ZNF804A: variants seen among roughly 807,000 people sequenced by gnomAD.
ZNF804A encodes the protein zinc finger protein 804A.
Under a neutral mutation model 16.5 loss-of-function variants are expected in ZNF804A, and 2 were observed. The ratio of observed to expected loss-of-function variants is 0.12; its 90% confidence interval spans 0.05 to 0.38. The LOEUF (loss-of-function observed/expected upper bound fraction) is 0.38. Ranked by LOEUF, ZNF804A falls within the 10% of genes least tolerant of loss-of-function variation. ZNF804A has a pLI of 0.99. For missense variants in ZNF804A, 1,473 were observed against 1,390.7 expected, an observed-to-expected ratio of 1.06 and a Z score of -0.94; for synonymous variants, 534 against 489.6, an observed-to-expected ratio of 1.09 and a Z score of -1.20.
chr2:184,604,212 C>T (rs1237145532), intron 1 of ZNF804A, among the ~76,000 whole-genome samples: 1 of 106,554 alleles, frequency 9.4e-6, no homozygotes. Context: ...CTCTTTTTGC[C>T]CAGGCTGGAG....
intron 1 of ZNF804A, among the ~76,000 whole-genome samples, chr2:184,675,165 T>C (rs372105293): frequency 1.3e-5 from 2 of 151,992 alleles, no homozygotes; most frequent in East Asian, 3.9e-4. Context: ...TGTGTATACC[T>C]ACCTATGTGT....
intron 1 of ZNF804A, among the ~76,000 whole-genome samples, chr2:184,836,698 T>TATA (rs35365017): frequency 3.2e-5 from 4 of 124,312 alleles, no homozygotes; most frequent in Admixed American, 7.9e-5. Context: ...TATATATATA[T>TATA]TTTTTTTTTA....
intron 1 of ZNF804A, among the ~76,000 whole-genome samples, chr2:184,836,694 TATA>T (rs1695351624): frequency 1.3e-5 from 2 of 148,430 alleles, no homozygotes; most frequent in Non-Finnish European, 1.5e-5. Context: ...TATATATATA[TATA>T]TTTTTTTTTT....
At chr2:184,634,545 G>T (rs746069345) in intron 1 of ZNF804A, among the ~76,000 whole-genome samples, 12 of 152,060 alleles carry the variant, frequency 7.9e-5, no homozygotes, top group Non-Finnish European at 5.9e-5. Flanking sequence ...GAAGCAGAGG[G>T]GTGAGGAGGG....
intron 1 of ZNF804A, among the ~76,000 whole-genome samples, chr2:184,722,767 G>A (rs17430987): frequency 0.038 from 5,741 of 151,890 alleles, 184 homozygotes; most frequent in East Asian, 0.055. Flanking sequence ...AGATGTGATC[G>A]CTAATTTAAC....
At chr2:184,682,179 C>T (rs1318985899) in intron 1 of ZNF804A, among the ~76,000 whole-genome samples, 1 of 152,094 alleles carries the variant, frequency 6.6e-6, no homozygotes, top group Non-Finnish European at 1.5e-5. Context: ...CAGACACATT[C>T]CTGTGTTGAA....
chr2:184,599,937 C>A (rs545716642), intron 1 of ZNF804A, among the ~76,000 whole-genome samples: 1 of 152,128 alleles, frequency 6.6e-6, no homozygotes, highest in Non-Finnish European at 1.5e-5. Flanking sequence ...GTTTGGAGAA[C>A]TATACACCTC....
chr2:184,814,786 C>G (rs924208690), intron 1 of ZNF804A, among the ~76,000 whole-genome samples: 2 of 152,116 alleles, frequency 1.3e-5, no homozygotes, highest in East Asian at 3.9e-4. Flanking sequence ...AATGAGATCT[C>G]CGTCACCTGG....
intron 1 of ZNF804A, among the ~76,000 whole-genome samples, chr2:184,713,359 T>C (rs17430952): frequency 0.052 from 7,867 of 151,996 alleles, 259 homozygotes; most frequent in Non-Finnish European, 0.077. Context: ...ATTTGCCTAA[T>C]ATAGCTAAAT....
intron 1 of ZNF804A, among the ~76,000 whole-genome samples, chr2:184,744,720 T>A (rs1457139297): frequency 6.6e-6 from 1 of 151,938 alleles, no homozygotes; most frequent in African/African-American, 2.4e-5. Flanking sequence ...CTGAAAAGTA[T>A]TAACAACTCA....
intron 1 of ZNF804A, among the ~76,000 whole-genome samples, chr2:184,734,990 T>C (rs1438961641): frequency 2.0e-5 from 3 of 152,222 alleles, no homozygotes; most frequent in Admixed American, 1.3e-4. Flanking sequence ...CTCCTGCTGC[T>C]TGTTAATTAG....
intron 1 of ZNF804A, among the ~76,000 whole-genome samples, chr2:184,673,647 C>A (rs1382891130): frequency 6.6e-6 from 1 of 152,122 alleles, no homozygotes; most frequent in Non-Finnish European, 1.5e-5. Flanking sequence ...CATGAGCTGA[C>A]AATCTATTAA....
intron 1 of ZNF804A, among the ~76,000 whole-genome samples, chr2:184,758,110 C>T (rs776907076): frequency 2.6e-5 from 4 of 151,904 alleles, no homozygotes; most frequent in African/African-American, 9.7e-5. Flanking sequence ...TGCTTGTAGA[C>T]TCTACTATGG....
At chr2:184,901,818 GATA>G (rs950157674) in intron 2 of ZNF804A, among the ~76,000 whole-genome samples, 2 of 151,680 alleles carry the variant, frequency 1.3e-5, no homozygotes, top group Non-Finnish European at 2.9e-5. Context: ...GAAATTGTTA[GATA>G]ATAATAATAT....
intron 1 of ZNF804A, among the ~76,000 whole-genome samples, chr2:184,601,960 T>C (rs1691056211): frequency 6.6e-6 from 1 of 151,980 alleles, no homozygotes; most frequent in Non-Finnish European, 1.5e-5. Flanking sequence ...TAATACAGTC[T>C]TCTTTTATGA....
At chr2:184,635,439 G>C (rs1437111434) in intron 1 of ZNF804A, among the ~76,000 whole-genome samples, 1 of 152,028 alleles carries the variant, frequency 6.6e-6, no homozygotes, top group Non-Finnish European at 1.5e-5. Flanking sequence ...TTATCAACTT[G>C]CATAGACAGT....
chr2:184,749,355 G>T (rs1693841803), intron 1 of ZNF804A, among the ~76,000 whole-genome samples: 1 of 151,210 alleles, frequency 6.6e-6, no homozygotes, highest in Admixed American at 6.6e-5. Flanking sequence ...ATGGGATTGT[G>T]TTCTTGATTT....
Position 184,719,017 on chromosome 2 carries a change from C to G in ZNF804A, c.111+119947C>G, listed in dbSNP as rs185910430. ...GAGGTTCTCCATGAGGGCCCCATCC[C>G]TACAGCAAACTTCTGCCAGGGCATT... On this transcript the variant is annotated intron_variant, in intron 1 of 3. Coordinates refer to ENST00000302277, the MANE Select transcript of ZNF804A (RefSeq NM_194250.2). Among the ~76,000 whole-genome samples the G allele has an allele frequency of 2.0e-5, 3 of 152,334 alleles. No homozygotes were observed. In the South Asian group the frequency reaches 6.2e-4, roughly 32 times the overall value.
At chr2:184,643,257 G>A (rs1691820434) in intron 1 of ZNF804A, among the ~76,000 whole-genome samples, 1 of 151,912 alleles carries the variant, frequency 6.6e-6, no homozygotes, top group South Asian at 2.1e-4. Context: ...ATATAGTATA[G>A]TGAAAGGTTC....
Sources: gnomAD v4.1 joint callset for allele counts (sites outside exome capture counted in the v4.1 genomes callset) on GRCh38, gnomAD v4.1.1 for gene constraint, MANE v1.5 for transcripts, NCBI Gene and HGNC (gene_info 2026-07-23, HGNC 2026-07-21) for gene names.